Variants in DMD observed in about 807,000 individuals in gnomAD.
DMD encodes dystrophin.
DMD carries 63 observed loss-of-function variants against 330.1 expected under a neutral mutation model. The observed-to-expected ratio is 0.19, with a 90% CI of 0.16 to 0.24. The LOEUF is 0.24. Among genes scored for constraint, DMD ranks in the 10% least tolerant of loss-of-function variants. The probability of loss-of-function intolerance (pLI) is 1.00; values close to 1 mark genes in which losing one functional copy is unlikely to be tolerated. For missense variants in DMD, 3,344 were observed against 2,684.1 expected (o/e 1.25, Z -5.43); for synonymous variants, 1,223 against 959.8 (o/e 1.27, Z -5.07).
chrX:32,371,318 A>G (rs2097876545), intron 34 of DMD, among the ~76,000 whole-genome samples: 1 of 111,256 alleles, frequency 9.0e-6, no homozygotes, highest in South Asian at 3.7e-4. Flanking sequence ...TAAATTTATT[A>G]ATACCATTTG....
chrX:32,615,575 C>A (rs1366027242), intron 11 of DMD, among the ~76,000 whole-genome samples: 3 of 111,398 alleles, frequency 2.7e-5, no homozygotes, highest in African/African-American at 9.8e-5. Flanking sequence ...ATATTCTGAA[C>A]ATTGATCTTA....
intron 63 of DMD, among the ~76,000 whole-genome samples, chrX:31,243,175 A>G (rs978804541): frequency 2.7e-5 from 3 of 112,362 alleles, no homozygotes; most frequent in African/African-American, 6.5e-5. Flanking sequence ...TATCTATGGT[A>G]TACATGAGTC....
chrX:31,282,045 A>G (rs6418630), intron 62 of DMD, among the ~76,000 whole-genome samples: 33,972 of 110,646 alleles, frequency 0.31, 5,602 homozygotes, highest in African/African-American at 0.64. Flanking sequence ...AATTTGTTAC[A>G]TTGCTTTTTA....
At chrX:32,524,247 T>G (rs1343226964) in intron 17 of DMD, among the ~76,000 whole-genome samples, 1 of 111,986 alleles carries the variant, frequency 8.9e-6, no homozygotes, top group Non-Finnish European at 1.9e-5. Flanking sequence ...GAAGAAATCT[T>G]GTAACACTTT....
rs758370758 is a variant in DMD at position 31,323,765 on chromosome X, G to C, written c.9164-107C>G. The C allele has an allele frequency of 4.1e-6, 3 of 729,842 alleles. No homozygotes were observed. The Admixed American group carries it at 7.9e-5, about 19-fold the overall frequency. 60.1% of individuals were successfully genotyped at this position (729,842 alleles called of 1,213,427 possible). A position where few individuals can be genotyped will look rare whatever the true frequency, so the allele number is the denominator to read the frequency against. ...TACAATTTTACACTGATATTGGTCT[G>C]TTTGCTCAGCTGCCCATGAAGACAG... On this transcript the variant is annotated intron_variant, in intron 61 of 78. Coordinates refer to ENST00000357033, the MANE Select transcript of DMD (RefSeq NM_004006.3).
chrX:31,257,502 G>A (rs2050080859), intron 63 of DMD, among the ~76,000 whole-genome samples: 3 of 111,573 alleles, frequency 2.7e-5, no homozygotes, highest in African/African-American at 9.8e-5. Context: ...GATACCTCTT[G>A]AAGAAGAAAA....
rs201255691 is a variant in DMD at position 32,451,393 on chromosome X, GT to G, written c.3604-2756del. Among the ~76,000 whole-genome samples, 181 of 110,078 alleles carry G rather than the reference GT, an allele frequency of 1.6e-3. 1 individual carries two copies. In the East Asian group the frequency reaches 0.019, roughly 12 times the overall value. On this transcript the variant is annotated intron_variant, in intron 26 of 78. Transcript: ENST00000357033. ...GCACTAGTACTAGAGTTATAATAGA[GT>G]AAAAATTAAAAAAAAATAAAACCAG...
chrX:31,278,488 C>G (rs1326476099), intron 62 of DMD, among the ~76,000 whole-genome samples: 2 of 111,419 alleles, frequency 1.8e-5, no homozygotes, highest in Non-Finnish European at 3.8e-5. Context: ...TAGGGGGTGT[C>G]TTCTCTGCCA....
chrX:31,529,444 A>G (rs2073529731), intron 55 of DMD, among the ~76,000 whole-genome samples: 1 of 111,875 alleles, frequency 8.9e-6, no homozygotes, highest in East Asian at 2.8e-4. Context: ...CAAGAATAAC[A>G]GGGATAAACT....
At chrX:32,550,466 C>T (rs1256835989) in intron 16 of DMD, among the ~76,000 whole-genome samples, 1 of 110,849 alleles carries the variant, frequency 9.0e-6, no homozygotes, top group Non-Finnish European at 1.9e-5. Context: ...TGTAACATAC[C>T]AGAATCTCTG....
chrX:32,443,102 T>G (rs1287034174), intron 27 of DMD, among the ~76,000 whole-genome samples: 1 of 110,867 alleles, frequency 9.0e-6, no homozygotes, highest in East Asian at 2.8e-4. Context: ...TGAATGAACC[T>G]ATAAGTACAG....
chrX:32,499,911 C>G (rs1202696945), intron 19 of DMD, among the ~76,000 whole-genome samples: 1 of 111,029 alleles, frequency 9.0e-6, no homozygotes, highest in East Asian at 2.8e-4. Flanking sequence ...AAAAACGGAA[C>G]AAATAGATAA....
At chrX:31,376,421 A>G (rs1397851817) in intron 60 of DMD, among the ~76,000 whole-genome samples, 1 of 111,687 alleles carries the variant, frequency 9.0e-6, no homozygotes, top group Non-Finnish European at 1.9e-5. Flanking sequence ...TTGTACAGAG[A>G]GCAGAGTCAA....
At chrX:31,556,137 G>C (rs971228012) in intron 55 of DMD, among the ~76,000 whole-genome samples, 4 of 110,544 alleles carry the variant, frequency 3.6e-5, no homozygotes, top group African/African-American at 1.3e-4. Context: ...GGAGGCCGAG[G>C]TGGGTGGATC....
At chrX:33,110,045 G>A (rs1023842143) in intron 1 of DMD, among the ~76,000 whole-genome samples, 7 of 111,023 alleles carry the variant, frequency 6.3e-5, no homozygotes, top group Non-Finnish European at 3.8e-5. Context: ...AGCTCTCACC[G>A]GGTGACTTCG....
intron 48 of DMD, among the ~76,000 whole-genome samples, chrX:31,865,250 A>G (rs958020264): frequency 1.3e-4 from 14 of 111,976 alleles, no homozygotes; most frequent in Admixed American, 2.8e-4. Flanking sequence ...TCTTGCCCAG[A>G]GGCAACCTAA....
At chrX:32,081,116 A>T (rs979533820) in intron 44 of DMD, among the ~76,000 whole-genome samples, 7 of 111,931 alleles carry the variant, frequency 6.3e-5, no homozygotes, top group Admixed American at 4.7e-4. Context: ...GAAGTCCCTT[A>T]CCTTGTGGGA....
Position 33,170,502 on chromosome X carries a change from T to C in DMD, c.31+40780A>G, listed in dbSNP as rs1158414. ...CAATAGAACTATGATCCAAGCCACA[T>C]AGGTAATTTTAATTTGTCTGATACC... On this transcript the variant is annotated intron_variant, in intron 1 of 78. Coordinates refer to ENST00000357033, the MANE Select transcript of DMD (RefSeq NM_004006.3). Among the ~76,000 whole-genome samples the C allele has an allele frequency of 8.9e-3, 989 of 111,381 alleles. 10 individuals are homozygous for C. Among genetic ancestry groups the C allele is most frequent in the African/African-American group, 0.03 (932 of 30,810 alleles).
At chrX:32,099,376 GC>G (rs1198627474) in intron 44 of DMD, among the ~76,000 whole-genome samples, 1 of 110,907 alleles carries the variant, frequency 9.0e-6, no homozygotes, top group African/African-American at 3.3e-5. Flanking sequence ...ATTTGACCCA[GC>G]CATCCCATTA....
Sources: gnomAD v4.1 joint callset for allele counts (sites outside exome capture counted in the v4.1 genomes callset) on GRCh38, gnomAD v4.1.1 for gene constraint, MANE v1.5 for transcripts, NCBI Gene and HGNC (gene_info 2026-07-23, HGNC 2026-07-21) for gene names.